The following CSMD1 variants were observed in gnomAD, a reference collection of about 807,000 sequenced individuals.
CSMD1 encodes CUB and Sushi multiple domains 1.
In CSMD1, 213 loss-of-function variants were observed where a neutral mutation model predicts 417.5. The ratio of observed to expected loss-of-function variants is 0.51; its 90% confidence interval spans 0.46 to 0.57. CSMD1 has a LOEUF of 0.57. Ranked by LOEUF, CSMD1 falls within the 20% of genes least tolerant of loss-of-function variation. CSMD1 has a pLI of 0.00. For synonymous variants in CSMD1, 2,862 were observed against 1,736.8 expected, an observed-to-expected ratio of 1.65 and a Z score of -16.11; for missense variants, 6,923 against 4,529.7, an observed-to-expected ratio of 1.53 and a Z score of -15.17.
At chr8:3,538,679 C>A (rs1052195031) in intron 10 of CSMD1, among the ~76,000 whole-genome samples, 6 of 152,236 alleles carry the variant, frequency 3.9e-5, no homozygotes, top group African/African-American at 1.4e-4. Context: ...TCTTCCTTAG[C>A]AACGTGGCAT....
intron 3 of CSMD1, among the ~76,000 whole-genome samples, chr8:4,284,847 G>T (rs75540538): frequency 6.6e-6 from 1 of 151,582 alleles, no homozygotes; most frequent in African/African-American, 2.4e-5. Context: ...ACAAAACAAA[G>T]AAACAAAAAC....
chr8:4,230,290 A>T (rs1474349724), intron 3 of CSMD1, among the ~76,000 whole-genome samples: 1 of 152,194 alleles, frequency 6.6e-6, no homozygotes, highest in Non-Finnish European at 1.5e-5. Flanking sequence ...TTATATTAAA[A>T]CATTTAATCC....
intron 4 of CSMD1, among the ~76,000 whole-genome samples, chr8:4,006,920 T>A (rs948021153): frequency 1.8e-4 from 26 of 141,922 alleles, no homozygotes; most frequent in African/African-American, 6.7e-4. Context: ...CTCCGCCTCC[T>A]GGGTTCAAGC....
chr8:3,944,980 C>A (rs1170316559), intron 5 of CSMD1, among the ~76,000 whole-genome samples: 2 of 152,132 alleles, frequency 1.3e-5, no homozygotes, highest in Non-Finnish European at 2.9e-5. Flanking sequence ...TAATAATTAT[C>A]CATCTAATGC....
intron 3 of CSMD1, among the ~76,000 whole-genome samples, chr8:4,082,835 A>G (rs576670227): frequency 4.5e-4 from 62 of 138,126 alleles, no homozygotes; most frequent in East Asian, 2.0e-3. Context: ...TCATTATTCA[A>G]TTTCCACCTA....
intron 1 of CSMD1, among the ~76,000 whole-genome samples, chr8:4,658,959 T>G (rs536469326): frequency 6.6e-6 from 1 of 152,176 alleles, no homozygotes; most frequent in Non-Finnish European, 1.5e-5. Flanking sequence ...GGATGTGAAT[T>G]GTAATGTCTG....
chr8:4,979,015 G>A (rs1399899347), intron 1 of CSMD1, among the ~76,000 whole-genome samples: 1 of 152,266 alleles, frequency 6.6e-6, no homozygotes, highest in East Asian at 1.9e-4. Context: ...CTACTTTGAA[G>A]AGCAAAATTT....
At chr8:4,707,907 A>G (rs1808049762) in intron 1 of CSMD1, among the ~76,000 whole-genome samples, 1 of 9,452 alleles carries the variant, frequency 1.1e-4, no homozygotes, top group Non-Finnish European at 2.0e-4. Flanking sequence ...AAAAAAAAAA[A>G]AAAAAAAAAA....
intron 1 of CSMD1, among the ~76,000 whole-genome samples, chr8:4,692,092 C>T (rs1264284341): frequency 1.3e-5 from 2 of 152,118 alleles, no homozygotes; most frequent in African/African-American, 4.8e-5. Context: ...TTGCTGTATG[C>T]TGAATACCCC....
At chr8:4,595,387 C>CTTTTTTTTTTTTTTTTGTT in intron 2 of CSMD1, among the ~76,000 whole-genome samples, 1 of 147,450 alleles carries the variant, frequency 6.8e-6, no homozygotes, top group Admixed American at 6.8e-5. Context: ...CATTCATTTT[C>CTTTTTTTTTTTTTTTTGTT]ATTCCATCCA....
intron 3 of CSMD1, among the ~76,000 whole-genome samples, chr8:4,404,316 T>C (rs1804862033): frequency 6.6e-6 from 1 of 152,210 alleles, no homozygotes; most frequent in South Asian, 2.1e-4. Flanking sequence ...TATTTGTTTA[T>C]GATGTGGCTT....
At chr8:3,695,443 A>C (rs1800498017) in intron 7 of CSMD1, among the ~76,000 whole-genome samples, 3 of 152,182 alleles carry the variant, frequency 2.0e-5, no homozygotes, top group African/African-American at 7.2e-5. Flanking sequence ...TGGTAGATTG[A>C]ATATTAATAT....
At chr8:3,735,937 A>T (rs1005059818) in intron 6 of CSMD1, among the ~76,000 whole-genome samples, 4 of 151,780 alleles carry the variant, frequency 2.6e-5, no homozygotes, top group Admixed American at 6.6e-5. Flanking sequence ...CTTTCTTGCT[A>T]GGGAAAGAAA....
At chr8:4,815,621 A>G (rs1421856892) in intron 1 of CSMD1, among the ~76,000 whole-genome samples, 1 of 147,970 alleles carries the variant, frequency 6.8e-6, no homozygotes, top group Admixed American at 6.8e-5. Context: ...GCTTGAACCC[A>G]GGAGATGAAG....
At chr8:3,431,070 C>T (rs1013461575) in intron 12 of CSMD1, among the ~76,000 whole-genome samples, 2 of 152,100 alleles carry the variant, frequency 1.3e-5, no homozygotes, top group African/African-American at 4.8e-5. Context: ...AATGCAGTTT[C>T]CAGGCTTCCA....
At position 3,309,540 on chromosome 8, in the gene CSMD1, G is replaced by C. The variant is rs918539101; in HGVS notation, c.3632-1037C>G. On this transcript the variant is annotated intron_variant, in intron 23 of 69. Coordinates refer to ENST00000635120, the MANE Select transcript of CSMD1 (RefSeq NM_033225.6). The stretch of plus-strand genomic sequence containing the variant: ...GAGCTGTATATTCCTTTTATGTGAG[G>C]CAATATTTTAAGGCCATCTGTGAAA... 2.6e-5 allele frequency among the ~76,000 whole-genome samples: 4 copies of C among 152,204 alleles called. No homozygotes were observed. The East Asian group carries it at 7.7e-4, about 29-fold the overall frequency.
rs148715130 is a variant in CSMD1, at chr8:4,946,424, C to G, written c.85+47908G>C. Among the ~76,000 whole-genome samples, 633 of 152,262 alleles carry G rather than the reference C, an allele frequency of 4.2e-3. 5 individuals carry two copies. The highest frequency in any genetic ancestry group is 0.015 in the African/African-American group (609 of 41,558). On this transcript the variant is annotated intron_variant, in intron 1 of 69. Coordinates refer to ENST00000635120, the MANE Select transcript of CSMD1 (RefSeq NM_033225.6). ...CATCGGTCATTGTCCATGAAGATGG[C>G]TTTGGACCGTGTGTTGAGTGACAGG...
intron 26 of CSMD1, among the ~76,000 whole-genome samples, chr8:3,246,576 A>T (rs536473312): frequency 6.6e-6 from 1 of 151,918 alleles, no homozygotes; most frequent in Non-Finnish European, 1.5e-5. Context: ...TGTTCAAGGG[A>T]TTCTCCTGCC....
chr8:4,926,489 C>A (rs1223847974), intron 1 of CSMD1, among the ~76,000 whole-genome samples: 2 of 152,080 alleles, frequency 1.3e-5, no homozygotes, highest in African/African-American at 4.8e-5. Context: ...TGTAATTTTT[C>A]TATGTAAATG....
Sources: allele counts gnomAD v4.1 joint callset (sites outside exome capture counted in the v4.1 genomes callset), GRCh38; gene constraint gnomAD v4.1.1; transcripts MANE v1.5; gene names NCBI Gene and HGNC (gene_info 2026-07-23, HGNC 2026-07-21).